SP140: variants seen among roughly 807,000 people sequenced by gnomAD.
SP140 encodes nuclear body protein SP140.
In SP140, 81 loss-of-function variants were observed where a neutral mutation model predicts 125.0. The ratio of observed to expected loss-of-function variants is 0.65; its 90% CI spans 0.54 to 0.78. SP140 has a LOEUF of 0.78. SP140 is among the 30% of genes least tolerant of loss of function. The pLI is 0.00. For synonymous variants in SP140, 312 were observed against 354.0 expected (o/e 0.88, Z 1.33); for missense variants, 858 against 1,037.0 (o/e 0.83, Z 2.37).
chr2:230,253,353 T>G lies in SP140; in HGVS notation c.1095T>G (p.Thr365=), dbSNP rs1170973394. 6.2e-7 allele frequency: 1 copy of G among 1,612,456 alleles called. No homozygotes were observed. Among genetic ancestry groups the G allele is most frequent in the Admixed American group, 1.7e-5 (1 of 59,968 alleles). ...CTGCAGAGACCTTTGATCTAAAGAC[T>G]CCCCAAGTCACTAATGAAGGAGAAC... is the stretch of plus-strand genomic sequence containing the variant. The part of the protein sequence containing the change: ...CLSAETFDLK[T]PQVTNEGEPE... The change falls in exon 11 of 27, where the codon ACT becomes ACG. Residue 365 remains threonine, a synonymous_variant. Coordinates refer to ENST00000392045, the MANE Select transcript of SP140 (RefSeq NM_007237.5).
intron 1 of SP140, among the ~76,000 whole-genome samples, chr2:230,231,190 A>T (rs1212752035): frequency 6.6e-6 from 1 of 152,204 alleles, no homozygotes; most frequent in Admixed American, 6.5e-5. Context: ...AGCCCTTAAC[A>T]TATTAACTAA....
intron 15 of SP140, among the ~76,000 whole-genome samples, chr2:230,276,371 C>T (rs893356290): frequency 7.2e-5 from 11 of 152,086 alleles, no homozygotes; most frequent in African/African-American, 2.7e-4. Flanking sequence ...TCTACTCTGC[C>T]TATGCTGTAT....
chr2:230,284,622 G>T (rs1168801735), intron 16 of SP140, among the ~76,000 whole-genome samples: 1 of 152,216 alleles, frequency 6.6e-6, no homozygotes, highest in East Asian at 1.9e-4. Flanking sequence ...GAGGCCCACA[G>T]TTAATAGGGA....
intron 22 of SP140, among the ~76,000 whole-genome samples, chr2:230,303,653 A>G (rs2058504753): frequency 1.3e-5 from 2 of 152,236 alleles, no homozygotes; most frequent in African/African-American, 4.8e-5. Context: ...TTAAAAACAA[A>G]AATTGTATGA....
intron 9 of SP140, among the ~76,000 whole-genome samples, chr2:230,250,269 G>A (rs537061209): frequency 2.0e-5 from 3 of 152,232 alleles, no homozygotes; most frequent in East Asian, 1.9e-4. Context: ...CCTTAGACGC[G>A]GTGATCTTTG....
intron 15 of SP140, among the ~76,000 whole-genome samples, chr2:230,283,518 C>G (rs2055916670): frequency 6.6e-6 from 1 of 152,176 alleles, no homozygotes; most frequent in African/African-American, 2.4e-5. Context: ...ACCAGGGTCA[C>G]AACAGAATCC....
At position 230,225,830 on chromosome 2, in the gene SP140, TC is replaced by T; in HGVS notation, c.-13del. Reference sequence around the variant, plus strand: ...GCAGTGAAAATCGAATCGGGTGTGATCCTAGGCCAAGCTCATGGCCCAGCAG... The same window carrying T: ...GCAGTGAAAATCGAATCGGGTGTGATCTAGGCCAAGCTCATGGCCCAGCAG... On this transcript the variant is annotated 5_prime_UTR_variant, in exon 1 of 27. Transcript: ENST00000392045. The T allele has an allele frequency of 1.2e-6, 2 of 1,613,338 alleles. No individual in the cohort carries two copies. Among genetic ancestry groups the T allele is most frequent in the Non-Finnish European group, 1.7e-6 (2 of 1,179,402 alleles).
chr2:230,244,964 T>C lies in SP140; in HGVS notation c.572-24T>C, dbSNP rs1306643857. The C allele has an allele frequency of 4.5e-6, 7 of 1,561,532 alleles. No homozygotes were observed. The African/African-American group carries it at 6.8e-5, about 15-fold the overall frequency. ...GAGCATCCTGAGGTCTGTGCTCTCA[T>C]CACTGTGCCTTGTTTATTTCCAGGT... On this transcript the variant is annotated intron_variant, in intron 5 of 26. Transcript: ENST00000392045.
chr2:230,222,524 G>C (rs139981024), upstream of SP140, among the ~76,000 whole-genome samples: 316 of 152,162 alleles, frequency 2.1e-3, 3 homozygotes, highest in Non-Finnish European at 3.6e-3. Flanking sequence ...TTTGAGACCA[G>C]CCTGGACAAC....
chr2:230,293,905 A>C (rs1212122754), intron 20 of SP140, among the ~76,000 whole-genome samples: 1 of 152,198 alleles, frequency 6.6e-6, no homozygotes, highest in Non-Finnish European at 1.5e-5. Flanking sequence ...AATTACTGAT[A>C]CCCAGTAGCA....
At chr2:230,223,295 G>A (rs368952804), upstream of SP140, among the ~76,000 whole-genome samples, 46 of 152,186 alleles carry the variant, frequency 3.0e-4, no homozygotes, top group East Asian at 5.8e-4. Flanking sequence ...TCAGCCTCCC[G>A]AAGTGCTGGG....
chr2:230,230,593 T>G (rs1193189338), intron 1 of SP140: 1 of 152,264 alleles, frequency 6.6e-6, no homozygotes, highest in Non-Finnish European at 1.5e-5. Context: ...TAAATTCTTC[T>G]CATTGTTAGC....
At chr2:230,310,063 C>T in intron 23 of SP140, 24 bp downstream of exon 23, 2 of 1,610,226 alleles carry the variant, frequency 1.2e-6, no homozygotes, top group Non-Finnish European at 1.7e-6. Context: ...AGGCGTCTCT[C>T]TTTTTGTCCT....
chr2:230,248,670 G>A (rs1010189903), intron 8 of SP140, among the ~76,000 whole-genome samples: 4 of 152,204 alleles, frequency 2.6e-5, no homozygotes, highest in Admixed American at 6.5e-5. Context: ...CAATCCAAGC[G>A]CTGCTCAGCT....
upstream of SP140, chr2:230,200,719 TA>T (rs2043091898): frequency 1.5e-6 from 1 of 656,520 alleles, no homozygotes; most frequent in African/African-American, 1.8e-5. Context: ...TTTGTAGTAG[TA>T]AATATCATGG....
upstream of SP140, chr2:230,221,621 C>T: frequency 7.7e-7 from 1 of 1,294,950 alleles, no homozygotes; most frequent in Non-Finnish European, 1.1e-6. Flanking sequence ...CCTCAGCATG[C>T]AGTAACATAC....
chr2:230,285,643 C>T (rs1283869114), intron 16 of SP140, 109 bp from the exon 17 acceptor site: 3 of 892,762 alleles, frequency 3.4e-6, no homozygotes, highest in Admixed American at 2.0e-5. Flanking sequence ...GACACCTGCT[C>T]GAGGGGATCC....
chr2:230,273,594 G>A (rs1030326057), intron 15 of SP140, among the ~76,000 whole-genome samples: 3 of 152,126 alleles, frequency 2.0e-5, no homozygotes, highest in Non-Finnish European at 4.4e-5. Flanking sequence ...TCCTATTACT[G>A]AGTATATACC....
At chr2:230,236,470 C>A (rs1191525399) in intron 1 of SP140, among the ~76,000 whole-genome samples, 1 of 152,212 alleles carries the variant, frequency 6.6e-6, no homozygotes, top group Non-Finnish European at 1.5e-5. Flanking sequence ...TTGGCTCTTG[C>A]AATTATGAAG....
Sources: gnomAD v4.1 joint callset for allele counts (sites outside exome capture counted in the v4.1 genomes callset) on GRCh38, gnomAD v4.1.1 for gene constraint, MANE v1.5 for transcripts, NCBI Gene and HGNC (gene_info 2026-07-23, HGNC 2026-07-21) for gene names.